FAM135B: variants seen among roughly 807,000 people sequenced by gnomAD.
The protein encoded by FAM135B is family with sequence similarity 135 member B.
Under a neutral mutation model 127.7 loss-of-function variants are expected in FAM135B, and 43 were observed. The ratio of observed to expected loss-of-function variants is 0.34; its 90% CI spans 0.26 to 0.43. The LOEUF (loss-of-function observed/expected upper bound fraction) is 0.43, where lower values mean the gene tolerates loss of function less well. Among genes scored for constraint, FAM135B ranks in the 20% least tolerant of loss-of-function variants. The probability of loss-of-function intolerance (pLI) is 1.00; values close to 1 mark genes in which losing one functional copy is unlikely to be tolerated. For synonymous variants in FAM135B, 670 were observed against 665.1 expected, an observed-to-expected ratio of 1.01 and a Z score of -0.11; for missense variants, 1,558 against 1,725.6, an observed-to-expected ratio of 0.90 and a Z score of 1.72.
intron 1 of FAM135B, among the ~76,000 whole-genome samples, chr8:138,381,778 C>T (rs1272183239): frequency 6.6e-6 from 1 of 152,186 alleles, no homozygotes; most frequent in African/African-American, 2.4e-5. Flanking sequence ...CATCTTTGAG[C>T]TCCTTTTGTC....
At chr8:138,302,547 A>G (rs558989533) in intron 3 of FAM135B, among the ~76,000 whole-genome samples, 2 of 145,840 alleles carry the variant, frequency 1.4e-5, no homozygotes, top group Admixed American at 1.4e-4. Flanking sequence ...AAGTGAGCCA[A>G]AGTCATAAAG....
chr8:138,289,861 G>A (rs1483855987), intron 3 of FAM135B, among the ~76,000 whole-genome samples: 1 of 152,154 alleles, frequency 6.6e-6, no homozygotes, highest in Non-Finnish European at 1.5e-5. Flanking sequence ...CTCATTTAGT[G>A]ATTAAGGTGC....
Position 138,148,623 on chromosome 8 carries a change from G to A in FAM135B, c.3345C>T (p.Asp1115=). 1 of 1,608,378 alleles carries A rather than the reference G, an allele frequency of 6.2e-7. No homozygotes were observed. Among genetic ancestry groups the A allele is most frequent in the Non-Finnish European group, 8.5e-7 (1 of 1,175,286 alleles). Residue 1115 remains aspartate (D), a synonymous_variant, in exon 14 of 20, where the codon GAC becomes GAT. Coordinates refer to ENST00000395297, the MANE Select transcript of FAM135B (RefSeq NM_015912.4). Reference sequence around the variant, plus strand: ...GTATATCAGAAGCTAGTACAGTTAAGTCACTGTACAGAAATCCTTCAATCT... The same window carrying A: ...GTATATCAGAAGCTAGTACAGTTAAATCACTGTACAGAAATCCTTCAATCT... The part of the protein sequence containing the change: ...ELKIEGFLYS[D]LTVLASDIPY...
At chr8:138,222,689 T>G (rs866718382) in intron 7 of FAM135B, among the ~76,000 whole-genome samples, 19 of 150,422 alleles carry the variant, frequency 1.3e-4, no homozygotes, top group Middle Eastern at 3.4e-3. Flanking sequence ...TTTTTTTTTT[T>G]TTTTTTTTTT....
chr8:138,157,901 C>G (rs1412647711), intron 12 of FAM135B, among the ~76,000 whole-genome samples: 3 of 152,076 alleles, frequency 2.0e-5, no homozygotes, highest in Non-Finnish European at 2.9e-5. Context: ...TCAATGCCAC[C>G]CTCATCAAGC....
chr8:138,338,904 T>C (rs1324112485), intron 2 of FAM135B, among the ~76,000 whole-genome samples: 2 of 152,026 alleles, frequency 1.3e-5, no homozygotes, highest in African/African-American at 4.8e-5. Context: ...ATGTGGCACA[T>C]ATACACCATG....
At chr8:138,175,446 A>C (rs1358427218) in intron 11 of FAM135B, among the ~76,000 whole-genome samples, 1 of 152,218 alleles carries the variant, frequency 6.6e-6, no homozygotes, top group East Asian at 1.9e-4. Context: ...TTCAAATGTC[A>C]CATCTTCAAA....
At position 138,336,970 on chromosome 8, in the gene FAM135B, C is replaced by T. The variant is rs972000873; in HGVS notation, c.78-26050G>A. ...GGTTCAACATAGGCAAATCAATAAA[C>T]GTAATCCAGCATATAAACAGAACCA... On this transcript the variant is annotated intron_variant, in intron 2 of 19. Transcript: ENST00000395297. 5.8e-4 allele frequency among the ~76,000 whole-genome samples: 88 copies of T among 152,224 alleles called. 2 individuals carry two copies. The highest frequency in any genetic ancestry group is 1.7e-3 in the African/African-American group (72 of 41,564).
At chr8:138,489,251 TC>T (rs911744298) in intron 1 of FAM135B, among the ~76,000 whole-genome samples, 1 of 152,158 alleles carries the variant, frequency 6.6e-6, no homozygotes, top group Non-Finnish European at 1.5e-5. Context: ...TTCCCCTGTG[TC>T]CCCAGGCCAG....
chr8:138,298,438 A>G (rs578034680), intron 3 of FAM135B, among the ~76,000 whole-genome samples: 2 of 152,350 alleles, frequency 1.3e-5, no homozygotes, highest in South Asian at 4.1e-4. Context: ...AACAAGCTAG[A>G]CAAAGATTGG....
At chr8:138,151,081 A>T in intron 13 of FAM135B, 113 bp downstream of exon 13, 2 of 652,112 alleles carry the variant, frequency 3.1e-6, no homozygotes, top group Non-Finnish European at 4.9e-6. Flanking sequence ...TACCTTATTT[A>T]AATCAGAAAA....
At chr8:138,423,161 G>C (rs1834620840) in intron 1 of FAM135B, among the ~76,000 whole-genome samples, 1 of 152,104 alleles carries the variant, frequency 6.6e-6, no homozygotes. Flanking sequence ...TCTACCTTTT[G>C]AGTACTATGC....
chr8:138,221,202 C>G (rs1469227869), intron 7 of FAM135B, among the ~76,000 whole-genome samples: 1 of 152,162 alleles, frequency 6.6e-6, no homozygotes, highest in Non-Finnish European at 1.5e-5. Flanking sequence ...AGCATACTGG[C>G]TTCTGTTTCT....
At chr8:138,299,677 A>T (rs2130836402) in intron 3 of FAM135B, among the ~76,000 whole-genome samples, 1 of 152,316 alleles carries the variant, frequency 6.6e-6, no homozygotes, top group Non-Finnish European at 1.5e-5. Context: ...TTTCCTCAAA[A>T]TGATAGTCCA....
intron 2 of FAM135B, among the ~76,000 whole-genome samples, chr8:138,319,377 G>A (rs143838708): frequency 0.015 from 2,267 of 152,270 alleles, 45 homozygotes; most frequent in African/African-American, 0.048. Flanking sequence ...AAAGTGCTAG[G>A]ATTACAGGCG....
intron 1 of FAM135B, among the ~76,000 whole-genome samples, chr8:138,376,561 T>G (rs1363009300): frequency 6.6e-6 from 1 of 152,182 alleles, no homozygotes; most frequent in Admixed American, 6.5e-5. Context: ...CATTGTATAC[T>G]CCATCAACTT....
At chr8:138,189,339 C>G (rs1420000160) in intron 9 of FAM135B, among the ~76,000 whole-genome samples, 1 of 152,218 alleles carries the variant, frequency 6.6e-6, no homozygotes, top group Non-Finnish European at 1.5e-5. Flanking sequence ...GCATTCACCA[C>G]TCTTCAATTC....
rs80038613 is a variant in FAM135B, at chr8:138,285,665, G to A, written c.158-19823C>T. 4.2e-3 allele frequency among the ~76,000 whole-genome samples: 646 copies of A among 152,264 alleles called. 8 individuals carry two copies. The highest frequency in any genetic ancestry group is 0.014 in the African/African-American group (601 of 41,550). ...GTCAGCCATTGGCACATATTTCAGAGAGCTGAGCAAAGTACACTTACTTCA... is the reference window on the plus strand; with the variant it reads ...GTCAGCCATTGGCACATATTTCAGAAAGCTGAGCAAAGTACACTTACTTCA... On this transcript the variant is annotated intron_variant, in intron 3 of 19. Transcript: ENST00000395297.
intron 1 of FAM135B, among the ~76,000 whole-genome samples, chr8:138,475,566 A>C (rs1005886093): frequency 6.6e-6 from 1 of 152,148 alleles, no homozygotes; most frequent in Non-Finnish European, 1.5e-5. Context: ...TTCAACACCC[A>C]AGGTCAATCT....
Sources: allele counts gnomAD v4.1 joint callset (sites outside exome capture counted in the v4.1 genomes callset), GRCh38; gene constraint gnomAD v4.1.1; transcripts MANE v1.5; gene names NCBI Gene and HGNC (gene_info 2026-07-23, HGNC 2026-07-21).